Variants in VMA21 observed in about 807,000 individuals in gnomAD.
VMA21 encodes the protein vacuolar ATPase assembly integral membrane protein VMA21.
For synonymous variants in VMA21, 47 were observed against 34.1 expected (o/e 1.38, Z -1.32); for missense variants, 61 against 80.6 (o/e 0.76, Z 0.93).
At chrX:151,402,191 A>AT (rs973161124) in intron 1 of VMA21, among the ~76,000 whole-genome samples, 2 of 111,322 alleles carry the variant, frequency 1.8e-5, no homozygotes, top group African/African-American at 6.6e-5. Context: ...TTTTTGATGT[A>AT]TTGGTTTTGT....
At chrX:151,397,085 G>A, upstream of VMA21, 1 of 436,391 alleles carries the variant, frequency 2.3e-6, no homozygotes, top group Non-Finnish European at 4.0e-6. Context: ...CCGCCCCCGC[G>A]CCGGCAACAG....
chrX:151,397,848 T>A lies in VMA21; in HGVS notation c.53+487T>A, dbSNP rs888754489. On this transcript the variant is annotated intron_variant, in intron 1 of 2. Transcript: ENST00000330374. ...GGCTGGTGACTGAGTTGAAGGAATG[T>A]ATGAGAGAGCAGGTGGTTCTGGCCC... is the stretch of plus-strand genomic sequence containing the variant. 4.5e-5 allele frequency among the ~76,000 whole-genome samples: 5 copies of A among 111,843 alleles called. No homozygotes were observed. The South Asian group carries it at 1.9e-3, about 42-fold the overall frequency.
At chrX:151,396,873 G>A (rs1442564121), upstream of VMA21, 3 of 524,172 alleles carry the variant, frequency 5.7e-6, no homozygotes, top group Non-Finnish European at 1.0e-5. Context: ...CCAGCTCAGC[G>A]ACCGAGACGC....
At chrX:151,400,211 C>T (rs1463236856) in intron 1 of VMA21, among the ~76,000 whole-genome samples, 9 of 108,753 alleles carry the variant, frequency 8.3e-5, no homozygotes, top group Non-Finnish European at 1.5e-4. Context: ...CCACCCCCAC[C>T]GCCATGGTAA....
intron 2 of VMA21, 54 bp from the exon 3 acceptor site, chrX:151,404,862 T>G (rs2011271683): frequency 5.1e-6 from 6 of 1,175,604 alleles, no homozygotes; most frequent in Non-Finnish European, 6.9e-6. Context: ...TTTTTTTTTT[T>G]GTACTTTGGT....
At chrX:151,402,698 G>C (rs1327507306) in intron 1 of VMA21, among the ~76,000 whole-genome samples, 1 of 112,757 alleles carries the variant, frequency 8.9e-6, no homozygotes, top group Non-Finnish European at 1.9e-5. Context: ...GCACTGGTCC[G>C]TTCGCCCTGC....
Position 151,397,281 on chromosome X carries a change from C to G in VMA21, c.-28C>G. On this transcript the variant is annotated 5_prime_UTR_variant, in exon 1 of 3. Coordinates refer to ENST00000330374, the MANE Select transcript of VMA21 (RefSeq NM_001017980.4). ...CGGCCGCCGAGCCCAGCTCCGCCGC[C>G]GAGCGCCTGTGCCGGCACGGCTACA... 8.7e-7 allele frequency: 1 copy of G among 1,153,705 alleles called. No individual in the cohort carries two copies. Among genetic ancestry groups the G allele is most frequent in the Non-Finnish European group, 1.2e-6 (1 of 869,097 alleles).
rs184479783 is a variant in VMA21, at chrX:151,397,403, C to T, written c.53+42C>T. ...CCTGGACCGCGAGGCGGACTGGCCC[C>T]AGCCTGGAGCAGGGCTTGAGGGAAG... On this transcript the variant is annotated intron_variant, in intron 1 of 2. Transcript: ENST00000330374. 5.4e-3 allele frequency: 6,232 copies of T among 1,145,904 alleles called. 18 individuals carry two copies. Among genetic ancestry groups the T allele is most frequent in the Non-Finnish European group, 6.9e-3 (5,956 of 862,905 alleles). 94.4% of individuals were successfully genotyped at this position (1,145,904 alleles called of 1,213,427 possible).
intron 1 of VMA21, among the ~76,000 whole-genome samples, chrX:151,400,203 AC>A (rs1211410213): frequency 1.2e-5 from 1 of 84,002 alleles, no homozygotes; most frequent in Non-Finnish European, 2.3e-5. Flanking sequence ...CCAGCCTCCC[AC>A]CCCCACCGCC....
rs771622462 is a variant in VMA21, at chrX:151,405,452, T to G, written c.*394T>G. Reference sequence around the variant, plus strand: ...AACTCCACTTTACGCTGGAATGCTTTCTTTAGCATGAAAATACCAGGTCCT... The same window carrying G: ...AACTCCACTTTACGCTGGAATGCTTGCTTTAGCATGAAAATACCAGGTCCT... On this transcript the variant is annotated 3_prime_UTR_variant, in exon 3 of 3. Transcript: ENST00000330374. The G allele has an allele frequency of 8.0e-6, 1 of 125,039 alleles. No individual in the cohort carries two copies. 10.3% of individuals were successfully genotyped at this position (125,039 alleles called of 1,213,427 possible).
At chrX:151,397,581 TC>T (rs1197547987) in intron 1 of VMA21, among the ~76,000 whole-genome samples, 2 of 112,229 alleles carry the variant, frequency 1.8e-5, no homozygotes, top group African/African-American at 3.3e-5. Flanking sequence ...GGGGAATAGG[TC>T]AGTGGGCCTT....
chrX:151,397,303 T>C lies in VMA21; in HGVS notation c.-6T>C. ...CGCCGAGCGCCTGTGCCGGCACGGC[T>C]ACACCATGGAGCGCCCGGATAAGGC... On this transcript the variant is annotated 5_prime_UTR_variant, in exon 1 of 3. Transcript: ENST00000330374. 8.6e-7 allele frequency: 1 copy of C among 1,160,758 alleles called. No individual in the cohort carries two copies. The highest frequency in any genetic ancestry group is 1.1e-6 in the Non-Finnish European group (1 of 872,395).
At chrX:151,404,782 C>T (rs1212450893) in intron 2 of VMA21, 134 bp from the exon 3 acceptor site, 6 of 724,748 alleles carry the variant, frequency 8.3e-6, no homozygotes, top group Non-Finnish European at 1.2e-5. Flanking sequence ...TATTCATTAC[C>T]ACCCAAAATA....
upstream of VMA21, chrX:151,396,915 G>T (rs1203878510): frequency 1.9e-6 from 1 of 521,994 alleles, no homozygotes; most frequent in Non-Finnish European, 3.5e-6. Context: ...CGAGTTCAGG[G>T]GGCGGCGTAG....
intron 1 of VMA21, among the ~76,000 whole-genome samples, chrX:151,398,956 A>G (rs2011216317): frequency 8.9e-6 from 1 of 112,821 alleles, no homozygotes; most frequent in African/African-American, 3.2e-5. Context: ...GATACATAGG[A>G]TAAATCAATT....
chrX:151,399,567 A>G (rs2011222107), intron 1 of VMA21, among the ~76,000 whole-genome samples: 1 of 111,835 alleles, frequency 8.9e-6, no homozygotes, highest in African/African-American at 3.2e-5. Flanking sequence ...GAATTGGCCA[A>G]TTAGTGACTC....
intron 1 of VMA21, among the ~76,000 whole-genome samples, chrX:151,399,225 A>G (rs1187276727): frequency 8.9e-6 from 1 of 112,488 alleles, no homozygotes; most frequent in East Asian, 2.8e-4. Context: ...GGAATTAGCC[A>G]TAAATTATTA....
At chrX:151,397,103 TCGCTGCGGCGCGCCGCGC>T (rs1447722281), upstream of VMA21, 7 of 356,042 alleles carry the variant, frequency 2.0e-5, no homozygotes, top group African/African-American at 2.9e-5. Context: ...CAGCCCTGCG[TCGCTGCGGCGCGCCGCGC>T]CGCGCCGCGC....
chrX:151,404,960 A>G lies in VMA21; in HGVS notation c.208A>G (p.Ile70Val). The change falls in exon 3 of 3, where the codon ATT becomes GTT. Residue 70 changes from isoleucine (I) to valine (V), a missense_variant. Ile to Val is a conservative substitution (Grantham distance 29). Transcript: ENST00000330374. ...TAGGGACAGCTATTTTTACGCTGCT[A>G]TTGTTGCAGTGGTCGCCGTCCATGT... ...SNRDSYFYAAIVAVVAVHVVL... is the reference protein window; with the variant it reads ...SNRDSYFYAAVVAVVAVHVVL... 2 of 1,209,308 alleles carry G rather than the reference A, an allele frequency of 1.7e-6. No individual in the cohort carries two copies. The highest frequency in any genetic ancestry group is 2.2e-6 in the Non-Finnish European group (2 of 894,898).
Sources: gnomAD v4.1 joint callset for allele counts (sites outside exome capture counted in the v4.1 genomes callset) on GRCh38, gnomAD v4.1.1 for gene constraint, MANE v1.5 for transcripts, NCBI Gene and HGNC (gene_info 2026-07-23, HGNC 2026-07-21) for gene names.